Variants in CTDSPL observed in about 807,000 individuals in gnomAD.
The protein encoded by CTDSPL is CTD small phosphatase-like protein.
Under a neutral mutation model 30.5 loss-of-function variants are expected in CTDSPL, and 8 were observed. That is an observed-to-expected ratio of 0.26 (90% CI 0.15 to 0.47). The LOEUF is 0.47. Among genes scored for constraint, CTDSPL ranks in the 20% least tolerant of loss-of-function variants. The pLI is 0.99. For synonymous variants in CTDSPL, 110 were observed against 137.9 expected (o/e 0.80, Z 1.42); for missense variants, 248 against 366.1 (o/e 0.68, Z 2.63).
At chr3:37,871,542 C>G (rs1474007442) in intron 1 of CTDSPL, among the ~76,000 whole-genome samples, 1 of 152,188 alleles carries the variant, frequency 6.6e-6, no homozygotes, top group African/African-American at 2.4e-5. Flanking sequence ...AAACTGTGTT[C>G]CAAAGTGGCC....
intron 1 of CTDSPL, among the ~76,000 whole-genome samples, chr3:37,924,401 A>G (rs1698756744): frequency 6.6e-6 from 1 of 152,224 alleles, no homozygotes; most frequent in Non-Finnish European, 1.5e-5. Flanking sequence ...GATGTGTGAT[A>G]AAAATGCCAA....
intron 3 of CTDSPL, 126 bp from the exon 4 acceptor site, chr3:37,964,445 T>C (rs748677776): frequency 1.7e-6 from 1 of 599,042 alleles, no homozygotes; most frequent in African/African-American, 1.9e-5. Context: ...TACTTATTCC[T>C]ATTGTTCTTA....
chr3:37,918,369 C>T (rs1225923337), intron 1 of CTDSPL, among the ~76,000 whole-genome samples: 2 of 152,204 alleles, frequency 1.3e-5, no homozygotes, highest in Admixed American at 6.5e-5. Flanking sequence ...AAGGCCTTTG[C>T]CAGCTTTGGA....
chr3:37,957,292 C>T (rs1482721103), intron 3 of CTDSPL, 149 bp downstream of exon 3: 3 of 564,060 alleles, frequency 5.3e-6, no homozygotes, highest in African/African-American at 3.9e-5. Context: ...AAAAAGAAAA[C>T]TGAAGCTGCA....
In CTDSPL at chr3:37,873,604, G is replaced by A. The variant is rs148376516; in HGVS notation, c.79+11326G>A. On this transcript the variant is annotated intron_variant, in intron 1 of 7. Transcript: ENST00000273179. ...TGTACTTAGTGGCAAACAGGAAGAC[G>A]TATGTCTACTCCATCTTCTTGGAGG... Among the ~76,000 whole-genome samples the A allele has an allele frequency of 2.6e-3, 397 of 152,256 alleles. 1 individual carries two copies. Among genetic ancestry groups the A allele is most frequent in the South Asian group, 4.6e-3 (22 of 4,816 alleles).
intron 1 of CTDSPL, among the ~76,000 whole-genome samples, chr3:37,923,787 TTC>T (rs1229018419): frequency 1.3e-5 from 2 of 151,826 alleles, no homozygotes; most frequent in African/African-American, 2.4e-5. Context: ...TTCCTTGCTT[TTC>T]TCTGTTTTTT....
chr3:37,862,521 G>A lies in CTDSPL; in HGVS notation c.79+243G>A, dbSNP rs553073041. ...GAGTGTGTGTGCATCTAACCGGGAGGTTGTGAGTTTGTGTGCGCGCACGCC... is the reference window on the plus strand; with the variant it reads ...GAGTGTGTGTGCATCTAACCGGGAGATTGTGAGTTTGTGTGCGCGCACGCC... On this transcript the variant is annotated intron_variant, in intron 1 of 7. Coordinates refer to ENST00000273179, the MANE Select transcript of CTDSPL (RefSeq NM_001008392.2). This position sits in a 1 kb window ranked among gnomAD's most constrained non-coding sequence, Gnocchi z 4.3. Among the ~76,000 whole-genome samples the A allele has an allele frequency of 1.3e-5, 2 of 152,254 alleles. No individual in the cohort carries two copies. The highest frequency in any genetic ancestry group is 2.9e-5 in the Non-Finnish European group (2 of 68,016).
At chr3:37,967,109 G>A (rs1294021050) in intron 4 of CTDSPL, among the ~76,000 whole-genome samples, 2 of 152,212 alleles carry the variant, frequency 1.3e-5, no homozygotes, top group Non-Finnish European at 2.9e-5. Flanking sequence ...CCTTGGAGCG[G>A]AGCAGGCATA....
At chr3:37,866,456 A>G (rs541831290) in intron 1 of CTDSPL, among the ~76,000 whole-genome samples, 10 of 152,306 alleles carry the variant, frequency 6.6e-5, no homozygotes, top group African/African-American at 2.4e-4. Context: ...GGGAGAGGAA[A>G]CTTTGCCTTT....
At chr3:37,934,869 C>G (rs1698897088) in intron 1 of CTDSPL, among the ~76,000 whole-genome samples, 1 of 152,152 alleles carries the variant, frequency 6.6e-6, no homozygotes, top group South Asian at 2.1e-4. Flanking sequence ...TTATTAGAGG[C>G]CTATTTTATA....
chr3:37,921,324 G>A (rs929547721), intron 1 of CTDSPL, among the ~76,000 whole-genome samples: 4 of 152,138 alleles, frequency 2.6e-5, no homozygotes, highest in African/African-American at 9.7e-5. Context: ...TGCCTGGCTG[G>A]CCTTCACAGC....
chr3:37,873,823 A>C (rs1698103849), intron 1 of CTDSPL, among the ~76,000 whole-genome samples: 1 of 152,262 alleles, frequency 6.6e-6, no homozygotes, highest in Admixed American at 6.5e-5. Flanking sequence ...AATCAAGTCT[A>C]GATCAGTAGG....
intron 1 of CTDSPL, among the ~76,000 whole-genome samples, chr3:37,906,184 T>G (rs1698513192): frequency 6.6e-6 from 1 of 152,176 alleles, no homozygotes; most frequent in Non-Finnish European, 1.5e-5. Flanking sequence ...ATTGTGTGCT[T>G]TGCCCAGTGG....
chr3:37,912,580 G>A (rs1236231760), intron 1 of CTDSPL, among the ~76,000 whole-genome samples: 2 of 152,194 alleles, frequency 1.3e-5, no homozygotes, highest in Non-Finnish European at 2.9e-5. Context: ...TACTGGGGAC[G>A]TGGGAGTGAG....
rs1699512512 is a variant in CTDSPL, at chr3:37,983,178, C to CAGCAGGCCCTCTGAGGGTT, written c.*2312_*2330dup. The CAGCAGGCCCTCTGAGGGTT allele has an allele frequency of 2.0e-5, 3 of 152,486 alleles. No individual in the cohort carries two copies. Among genetic ancestry groups the CAGCAGGCCCTCTGAGGGTT allele is most frequent in the Non-Finnish European group, 4.4e-5 (3 of 68,302 alleles). 9.4% of individuals were successfully genotyped at this position (152,486 alleles called of 1,614,324 possible). A position where few individuals can be genotyped will look rare whatever the true frequency, so the allele number is the denominator to read the frequency against. ...CGGACACAGAATGTCTGGAGAGGGCCAGCAGGCCCTCTGAGGGTTCTGGAA... is the reference window on the plus strand; with the variant it reads ...CGGACACAGAATGTCTGGAGAGGGCCAGCAGGCCCTCTGAGGGTTAGCAGGCCCTCTGAGGGTTCTGGAA... On this transcript the variant is annotated 3_prime_UTR_variant, in exon 8 of 8. Coordinates refer to ENST00000273179, the MANE Select transcript of CTDSPL (RefSeq NM_001008392.2).
chr3:37,965,787 G>A (rs926364863), intron 4 of CTDSPL, among the ~76,000 whole-genome samples: 2 of 152,178 alleles, frequency 1.3e-5, no homozygotes, highest in African/African-American at 4.8e-5. Flanking sequence ...AATTGTCTTT[G>A]AGTCCTTTGA....
chr3:37,928,242 C>T (rs1156631536), intron 1 of CTDSPL, among the ~76,000 whole-genome samples: 1 of 152,134 alleles, frequency 6.6e-6, no homozygotes, highest in Non-Finnish European at 1.5e-5. Flanking sequence ...TGCATAAATA[C>T]CTAGAAGTGG....
intron 2 of CTDSPL, chr3:37,954,495 C>G (rs770264840): frequency 6.6e-6 from 1 of 152,192 alleles, no homozygotes; most frequent in Non-Finnish European, 1.5e-5. Context: ...AAAGCCCAGG[C>G]CTATTAGATG....
At chr3:37,903,986 C>G (rs1020245063) in intron 1 of CTDSPL, among the ~76,000 whole-genome samples, 1 of 152,200 alleles carries the variant, frequency 6.6e-6, no homozygotes, top group African/African-American at 2.4e-5. Flanking sequence ...AGAAAATAAC[C>G]AAGATGGCAC....
Sources: gnomAD v4.1 joint callset for allele counts (sites outside exome capture counted in the v4.1 genomes callset) on GRCh38, gnomAD v4.1.1 for gene constraint, Gnocchi (gnomAD v3.1) non-coding constraint, MANE v1.5 for transcripts, NCBI Gene and HGNC (gene_info 2026-07-23, HGNC 2026-07-21) for gene names.